SSBP3: variants seen among roughly 807,000 people sequenced by gnomAD.
SSBP3 encodes single-stranded DNA-binding protein 3.
SSBP3 carries 5 observed loss-of-function variants against 69.6 expected under a neutral mutation model. The observed-to-expected ratio is 0.07, with a 90% CI of 0.04 to 0.15. SSBP3 has a LOEUF of 0.15. Ranked by LOEUF, SSBP3 falls within the 10% of genes least tolerant of loss-of-function variation. SSBP3 has a pLI of 1.00. For missense variants in SSBP3, 312 were observed against 534.0 expected (o/e 0.58, Z 4.10); for synonymous variants, 196 against 193.4 (o/e 1.01, Z -0.11).
intron 13 of SSBP3, 33 bp downstream of exon 13, chr1:54,240,872 C>G (rs1381538883): frequency 2.5e-6 from 4 of 1,613,194 alleles, no homozygotes; most frequent in South Asian, 1.1e-5. Flanking sequence ...CCTCCACCAC[C>G]AGACCCCCCA....
chr1:54,345,986 C>CAAAAAAAA (rs74870023), intron 4 of SSBP3, among the ~76,000 whole-genome samples: 4 of 134,372 alleles, frequency 3.0e-5, no homozygotes, highest in African/African-American at 1.1e-4. Context: ...CACAAAAATA[C>CAAAAAAAA]AAAAAAAAAA....
At chr1:54,316,664 ATAAATAAATAAATAAAT>A (rs1646111559) in intron 4 of SSBP3, among the ~76,000 whole-genome samples, 10 of 24,816 alleles carry the variant, frequency 4.0e-4, no homozygotes, top group African/African-American at 8.2e-4. Context: ...AAAAAATAAA[ATAAATAAATAAATAAAT>A]AAATAAATAA....
chr1:54,375,657 AGTC>A (rs1199868706), intron 4 of SSBP3, among the ~76,000 whole-genome samples: 2 of 152,222 alleles, frequency 1.3e-5, no homozygotes, highest in African/African-American at 4.8e-5. Context: ...AGAAGCCTCC[AGTC>A]GCCTGGTGGA....
chr1:54,296,833 C>T (rs377526232), intron 4 of SSBP3, among the ~76,000 whole-genome samples: 28 of 152,260 alleles, frequency 1.8e-4, no homozygotes, highest in African/African-American at 5.3e-4. Flanking sequence ...TATCACTCTC[C>T]GGCAGACCAG....
At chr1:54,230,487 T>C (rs1644362339) in intron 14 of SSBP3, among the ~76,000 whole-genome samples, 2 of 152,218 alleles carry the variant, frequency 1.3e-5, no homozygotes, top group Admixed American at 1.3e-4. Flanking sequence ...CAAAATGACA[T>C]ATTATTGTAT....
At chr1:54,318,931 T>C (rs1052743493) in intron 4 of SSBP3, among the ~76,000 whole-genome samples, 2 of 152,198 alleles carry the variant, frequency 1.3e-5, no homozygotes, top group African/African-American at 4.8e-5. Flanking sequence ...TGATTTCATC[T>C]ATCCCCCGCA....
At chr1:54,315,341 T>C (rs576859813) in intron 4 of SSBP3, among the ~76,000 whole-genome samples, 30 of 152,172 alleles carry the variant, frequency 2.0e-4, no homozygotes, top group African/African-American at 5.8e-4. Flanking sequence ...CTCTCTTACA[T>C]AGCTGCAAGT....
chr1:54,394,721 G>A (rs1388354958), intron 4 of SSBP3, among the ~76,000 whole-genome samples: 1 of 16,508 alleles, frequency 6.1e-5, no homozygotes, highest in Non-Finnish European at 1.3e-4. Context: ...TTTTTTTTTT[G>A]AGACGGAGTC....
intron 3 of SSBP3, among the ~76,000 whole-genome samples, chr1:54,403,107 T>A (rs1328598115): frequency 6.6e-6 from 1 of 152,100 alleles, no homozygotes; most frequent in African/African-American, 2.4e-5. Context: ...CAGTGTCAAA[T>A]CGCACAAACC....
chr1:54,269,052 C>A (rs2100808099), intron 5 of SSBP3, among the ~76,000 whole-genome samples: 1 of 152,284 alleles, frequency 6.6e-6, no homozygotes, highest in South Asian at 2.1e-4. Context: ...CTTAATACAC[C>A]AAGCTGTGGC....
At chr1:54,350,737 G>A (rs1189443434) in intron 4 of SSBP3, among the ~76,000 whole-genome samples, 1 of 152,124 alleles carries the variant, frequency 6.6e-6, no homozygotes, top group South Asian at 2.1e-4. Context: ...AGCAGCCCAG[G>A]GACAGGCAGG....
At position 54,239,888 on chromosome 1, in the gene SSBP3, G is replaced by C. The variant is rs76964807; in HGVS notation, c.857-689C>G. Among the ~76,000 whole-genome samples, 228 of 152,198 alleles carry C rather than the reference G, an allele frequency of 1.5e-3. 3 individuals are homozygous for C. The East Asian group carries it at 0.038, about 26-fold the overall frequency. ...CCCCAGTTAGCCAAAAAAGTCTCCA[G>C]CTAAAACGTTTCTATCAGGAGCAGG... On this transcript the variant is annotated intron_variant, in intron 13 of 17. Transcript: ENST00000610401.
At chr1:54,254,478 A>G (rs1210199692) in intron 7 of SSBP3, among the ~76,000 whole-genome samples, 1 of 152,228 alleles carries the variant, frequency 6.6e-6, no homozygotes, top group African/African-American at 2.4e-5. Context: ...CACAGCCTCT[A>G]GCCAGGGAGG....
intron 14 of SSBP3, among the ~76,000 whole-genome samples, chr1:54,233,152 C>T (rs1430594860): frequency 2.0e-5 from 3 of 150,730 alleles, no homozygotes; most frequent in Non-Finnish European, 4.4e-5. Context: ...TCTTCCCGGC[C>T]GCCATCACAT....
At chr1:54,372,116 T>A (rs1413093274) in intron 4 of SSBP3, among the ~76,000 whole-genome samples, 1 of 152,208 alleles carries the variant, frequency 6.6e-6, no homozygotes, top group Admixed American at 6.5e-5. Flanking sequence ...CTCCCGAGCC[T>A]GACTCTAAAG....
intron 4 of SSBP3, among the ~76,000 whole-genome samples, chr1:54,291,287 C>A (rs1454551897): frequency 1.3e-5 from 2 of 152,234 alleles, no homozygotes; most frequent in Middle Eastern, 3.2e-3. Flanking sequence ...CTCACCTCCT[C>A]TGCTGTGACA....
At chr1:54,262,604 T>G (rs909204923) in intron 5 of SSBP3, among the ~76,000 whole-genome samples, 3 of 152,140 alleles carry the variant, frequency 2.0e-5, no homozygotes, top group African/African-American at 7.2e-5. Flanking sequence ...GAAATAAGCT[T>G]AAGTGTTGGC....
At chr1:54,401,427 T>C (rs1269001846) in intron 4 of SSBP3, among the ~76,000 whole-genome samples, 1 of 152,130 alleles carries the variant, frequency 6.6e-6, no homozygotes, top group Non-Finnish European at 1.5e-5. Context: ...GATCGCTCTC[T>C]GGAAAGTAGA....
At chr1:54,239,366 A>T (rs1479273374) in intron 13 of SSBP3, among the ~76,000 whole-genome samples, 167 bp from the exon 14 acceptor site, 1 of 152,238 alleles carries the variant, frequency 6.6e-6, no homozygotes, top group Non-Finnish European at 1.5e-5. Context: ...CAAAGTTTTT[A>T]ATCACAGAAA....
Sources: gnomAD v4.1 joint callset for allele counts (sites outside exome capture counted in the v4.1 genomes callset) on GRCh38, gnomAD v4.1.1 for gene constraint, MANE v1.5 for transcripts, NCBI Gene and HGNC (gene_info 2026-07-23, HGNC 2026-07-21) for gene names.